Variants in HECTD2 observed in about 807,000 individuals in gnomAD.
HECTD2 encodes the protein HECT domain E3 ubiquitin protein ligase 2.
Under a neutral mutation model 103.2 loss-of-function variants are expected in HECTD2, and 35 were observed. The ratio of observed to expected loss-of-function variants is 0.34; its 90% CI spans 0.26 to 0.45. The LOEUF is 0.45. Ranked by LOEUF, HECTD2 falls within the 20% of genes least tolerant of loss-of-function variation. The pLI is 1.00. For synonymous variants in HECTD2, 281 were observed against 329.9 expected, an observed-to-expected ratio of 0.85 and a Z score of 1.61; for missense variants, 596 against 937.4, an observed-to-expected ratio of 0.64 and a Z score of 4.76.
rs1253712515 is a variant in HECTD2 at position 91,498,098 on chromosome 10, C to A, written c.1681-10C>A. 1.3e-6 allele frequency: 2 copies of A among 1,594,228 alleles called. No individual in the cohort carries two copies. Among genetic ancestry groups the A allele is most frequent in the Non-Finnish European group, 1.7e-6 (2 of 1,162,288 alleles). ...TATTGAAAAAATCATTAACAGATTTCTTTTTATAGGAGTTGGCCCATGGAT... is the reference window on the plus strand; with the variant it reads ...TATTGAAAAAATCATTAACAGATTTATTTTTATAGGAGTTGGCCCATGGAT... On this transcript the variant is annotated splice_polypyrimidine_tract_variant and intron_variant, in intron 15 of 20. Transcript: ENST00000298068.
At chr10:91,428,219 C>G (rs1414812679) in intron 2 of HECTD2, among the ~76,000 whole-genome samples, 1 of 151,840 alleles carries the variant, frequency 6.6e-6, no homozygotes, top group Non-Finnish European at 1.5e-5. Flanking sequence ...GGGCTCTGTT[C>G]CGTTCCATTG....
At position 91,487,271 on chromosome 10, in the gene HECTD2, A is replaced by G. The variant is rs138138057; in HGVS notation, c.1095-411A>G. 11 of 199,904 alleles carry G rather than the reference A, an allele frequency of 5.5e-5. No individual in the cohort carries two copies. The East Asian group carries it at 1.2e-3, about 22-fold the overall frequency. The allele number at this position is 199,904 out of a possible 1,614,324, so 12.4% of individuals were successfully genotyped here. A position where few individuals can be genotyped will look rare whatever the true frequency, so the allele number is the denominator to read the frequency against. On this transcript the variant is annotated intron_variant, in intron 10 of 20. Transcript: ENST00000298068. This position sits in a 1 kb window ranked among gnomAD's most constrained non-coding sequence, Gnocchi z 4.1. ...ATTTTTTCATTTCTGGAACTCACAC[A>G]TCAGAAGTCACCATATAATGATGGA...
chr10:91,410,140 G>C (rs1230727786), upstream of HECTD2: 1 of 152,050 alleles, frequency 6.6e-6, no homozygotes, highest in African/African-American at 2.4e-5. Flanking sequence ...GGGTTGACGA[G>C]GGGGACTACC....
At chr10:91,415,744 A>G (rs1471134810) in intron 1 of HECTD2, among the ~76,000 whole-genome samples, 116 of 152,342 alleles carry the variant, frequency 7.6e-4, no homozygotes, top group African/African-American at 2.8e-3. Context: ...TTTGAAAAAG[A>G]GCATGTTGTC....
rs1847537811 is a variant in HECTD2 at position 91,514,488 on chromosome 10, T to C, written c.*2104T>C. The C allele has an allele frequency of 6.6e-6, 1 of 152,670 alleles. No homozygotes were observed. The highest frequency in any genetic ancestry group is 1.5e-5 in the Non-Finnish European group (1 of 68,034). 9.5% of individuals were successfully genotyped at this position (152,670 alleles called of 1,614,324 possible). On this transcript the variant is annotated 3_prime_UTR_variant, in exon 21 of 21. Transcript: ENST00000298068. The stretch of plus-strand genomic sequence containing the variant: ...AACCACTACTGTTACATTTTATTAA[T>C]TTAAAAAGCTAGAAAATTCATGTAG...
At position 91,492,726 on chromosome 10, in the gene HECTD2, G is replaced by A. The variant is rs181199661; in HGVS notation, c.1432+242G>A. The stretch of plus-strand genomic sequence containing the variant: ...ATCAAGATTAAAAGTAAACATTTAT[G>A]AGGAAACATCCATATCTTTTCTGAA... On this transcript the variant is annotated intron_variant, in intron 13 of 20. Transcript: ENST00000298068. Among the ~76,000 whole-genome samples, 451 of 152,210 alleles carry A rather than the reference G, an allele frequency of 3.0e-3. 3 individuals are homozygous for A. Among genetic ancestry groups the A allele is most frequent in the African/African-American group, 0.01 (426 of 41,566 alleles).
At chr10:91,488,668 TA>T (rs925233262) in intron 11 of HECTD2, 1 of 152,122 alleles carries the variant, frequency 6.6e-6, no homozygotes, top group African/African-American at 2.4e-5. Flanking sequence ...CAAAATGCTA[TA>T]AAAAATAAGA....
At chr10:91,510,715 A>T (rs1847388578) in intron 20 of HECTD2, among the ~76,000 whole-genome samples, 1 of 152,220 alleles carries the variant, frequency 6.6e-6, no homozygotes, top group Non-Finnish European at 1.5e-5. Context: ...AAAATATATT[A>T]AAAAACTGAG....
intron 2 of HECTD2, among the ~76,000 whole-genome samples, chr10:91,430,193 G>A (rs761285804): frequency 0.042 from 6,351 of 152,252 alleles, 200 homozygotes; most frequent in Non-Finnish European, 0.068. Context: ...GCAGTTTTGA[G>A]TGAGTTTCTT....
chr10:91,458,833 G>C (rs1845223513), intron 2 of HECTD2, among the ~76,000 whole-genome samples: 1 of 151,882 alleles, frequency 6.6e-6, no homozygotes, highest in Admixed American at 6.6e-5. Context: ...ATAGTTCTTA[G>C]ACTTGACACC....
intron 12 of HECTD2, 128 bp from the exon 13 acceptor site, chr10:91,492,224 T>C: frequency 1.2e-6 from 1 of 823,788 alleles, no homozygotes; most frequent in Non-Finnish European, 2.0e-6. Flanking sequence ...ATTGGATAAA[T>C]GGAGGGATGG....
rs1846789863 is a variant in HECTD2, at chr10:91,499,038, T to C, written c.1844-6T>C. The C allele has an allele frequency of 6.2e-7, 1 of 1,600,974 alleles. No individual in the cohort carries two copies. The highest frequency in any genetic ancestry group is 1.3e-5 in the African/African-American group (1 of 74,606). The stretch of plus-strand genomic sequence containing the variant: ...ACTATTTAAGAGATGTAAAATTGCT[T>C]TTCAGAATATGTACAGCTTTATACT... On this transcript the variant is annotated splice_region_variant and splice_polypyrimidine_tract_variant and intron_variant, in intron 17 of 20. Transcript: ENST00000298068.
rs572257774 is a variant in HECTD2, at chr10:91,502,778, A to G, written c.2210+1444A>G. ...CAATTTTAAAAGAGTAATCTGAGCAATCTGTTTTAATACAAAGGTGACATT... is the reference window on the plus strand; with the variant it reads ...CAATTTTAAAAGAGTAATCTGAGCAGTCTGTTTTAATACAAAGGTGACATT... On this transcript the variant is annotated intron_variant, in intron 20 of 20. Transcript: ENST00000298068. Among the ~76,000 whole-genome samples the G allele has an allele frequency of 2.5e-4, 38 of 152,284 alleles. No homozygotes were observed. The East Asian group carries it at 7.1e-3, about 29-fold the overall frequency.
At chr10:91,426,608 C>T (rs1056954801) in intron 2 of HECTD2, among the ~76,000 whole-genome samples, 6 of 151,594 alleles carry the variant, frequency 4.0e-5, no homozygotes, top group African/African-American at 9.7e-5. Context: ...CCCTCCGTCA[C>T]GCCAATATTG....
At chr10:91,449,344 CT>C (rs933307821) in intron 2 of HECTD2, among the ~76,000 whole-genome samples, 2 of 152,184 alleles carry the variant, frequency 1.3e-5, no homozygotes, top group East Asian at 1.9e-4. Flanking sequence ...AAATTCAACA[CT>C]TTTTTATACT....
rs75960787 is a variant in HECTD2 at position 91,458,304 on chromosome 10, T to C, written c.269-2123T>C. On this transcript the variant is annotated intron_variant, in intron 2 of 20. Transcript: ENST00000298068. ...GATCTAAGTAAGTGTAAAGGCATAC[T>C]GTGTTCATGGATTAGAACACTTAGT... Among the ~76,000 whole-genome samples, 585 of 152,102 alleles carry C rather than the reference T, an allele frequency of 3.8e-3. 3 individuals carry two copies. Among genetic ancestry groups the C allele is most frequent in the Non-Finnish European group, 6.8e-3 (461 of 67,864 alleles).
intron 2 of HECTD2, among the ~76,000 whole-genome samples, chr10:91,431,618 A>G (rs1843875336): frequency 6.6e-6 from 1 of 151,494 alleles, no homozygotes; most frequent in Non-Finnish European, 1.5e-5. Flanking sequence ...TTCTCACTTC[A>G]TTTCATTCAT....
intron 2 of HECTD2, among the ~76,000 whole-genome samples, chr10:91,445,563 T>C (rs1023384613): frequency 3.3e-5 from 5 of 152,084 alleles, no homozygotes; most frequent in Admixed American, 2.6e-4. Flanking sequence ...AGTTTAGACA[T>C]TATACAATGA....
intron 13 of HECTD2, among the ~76,000 whole-genome samples, chr10:91,492,937 A>G (rs1036582725): frequency 3.9e-5 from 6 of 151,926 alleles, no homozygotes; most frequent in Non-Finnish European, 7.4e-5. Context: ...ATTTTACAGA[A>G]ACTACCTGTA....
Sources: gnomAD v4.1 joint callset for allele counts (sites outside exome capture counted in the v4.1 genomes callset) on GRCh38, gnomAD v4.1.1 for gene constraint, Gnocchi (gnomAD v3.1) non-coding constraint, MANE v1.5 for transcripts, NCBI Gene and HGNC (gene_info 2026-07-23, HGNC 2026-07-21) for gene names.